Variants in RUNX3 observed in about 807,000 individuals in gnomAD.
RUNX3 encodes the protein RUNX family transcription factor 3.
RUNX3 carries 10 observed loss-of-function variants against 27.7 expected under a neutral mutation model. The ratio of observed to expected loss-of-function variants is 0.36; its 90% CI spans 0.22 to 0.61. RUNX3 has a LOEUF of 0.61. Among genes scored for constraint, RUNX3 ranks in the 20% least tolerant of loss-of-function variants. The pLI is 0.72. For synonymous variants in RUNX3, 270 were observed against 269.2 expected (o/e 1.00, Z -0.03); for missense variants, 469 against 629.5 (o/e 0.75, Z 2.73).
upstream of RUNX3, among the ~76,000 whole-genome samples, chr1:24,930,536 A>C (rs1471189782): frequency 6.6e-5 from 10 of 151,562 alleles, no homozygotes; most frequent in Non-Finnish European, 1.5e-5. The surrounding 1 kb of genome is among the most constrained non-coding windows in gnomAD (Gnocchi z 4.1). Context: ...ATTTGCTTAG[A>C]ACGTCCGGGT....
chr1:24,946,278 C>G (rs1641603522), intron 2 of RUNX3, among the ~76,000 whole-genome samples: 1 of 152,114 alleles, frequency 6.6e-6, no homozygotes, highest in African/African-American at 2.4e-5. Flanking sequence ...AAAATTAAAA[C>G]CATCCATAAT....
Position 24,929,835 on chromosome 1 carries a change from G to A in RUNX3, c.34C>T (p.Arg12Cys). ...AAGGCCGGGGAGGGAGGTGTGAAGC[G>A]GCGGCTGGTGCTTGGGTCTACGGGA... ...RIPVDPSTSR[R>C]FTPPSPAFPC... The change falls in exon 1 of 5, where the codon CGC (arginine) becomes TGC (cysteine). Residue 12 changes from arginine to cysteine, a missense_variant. By Grantham distance (180) the Arg-to-Cys change is radical (BLOSUM62 -3). Transcript: ENST00000308873. The A allele has an allele frequency of 2.9e-6, 4 of 1,397,590 alleles. No individual in the cohort carries two copies. Among genetic ancestry groups the A allele is most frequent in the Non-Finnish European group, 3.7e-6 (4 of 1,086,678 alleles). The allele number at this position is 1,397,590 out of a possible 1,614,324, so 86.6% of individuals were successfully genotyped here. A position where few individuals can be genotyped will look rare whatever the true frequency, so the allele number is the denominator to read the frequency against.
In RUNX3 at chr1:24,930,102, C is replaced by T. The variant is rs1448308912; in HGVS notation, c.-234G>A. 8 of 979,770 alleles carry T rather than the reference C, an allele frequency of 8.2e-6. No individual in the cohort carries two copies. Among genetic ancestry groups the T allele is most frequent in the Non-Finnish European group, 8.5e-6 (7 of 827,708 alleles). 60.7% of individuals were successfully genotyped at this position (979,770 alleles called of 1,614,324 possible). A position where few individuals can be genotyped will look rare whatever the true frequency, so the allele number is the denominator to read the frequency against. On this transcript the variant is annotated 5_prime_UTR_variant, in exon 1 of 5. Transcript: ENST00000308873. The surrounding 1 kb of genome is among the most constrained non-coding windows in gnomAD (Gnocchi z 4.1). The stretch of plus-strand genomic sequence containing the variant: ...GCAGCCTGCCCGGCTAGTCCCGCAT[C>T]CTCGGCGCGCGGCCCCGCGTGCGGC...
intron 3 of RUNX3, among the ~76,000 whole-genome samples, chr1:24,915,106 A>G (rs1640863680): frequency 1.3e-5 from 2 of 152,252 alleles, no homozygotes; most frequent in African/African-American, 4.8e-5. Flanking sequence ...AAACCAGAGC[A>G]AAGAACTCTG....
intron 2 of RUNX3, among the ~76,000 whole-genome samples, chr1:24,955,416 C>T (rs934021753): frequency 3.9e-5 from 6 of 152,162 alleles, no homozygotes; most frequent in African/African-American, 1.4e-4. Context: ...CAAGTCCCAC[C>T]ATCTGCCTGA....
rs1640509634 is a variant in RUNX3 at position 24,900,196 on chromosome 1, C to T, written c.*1926G>A. The T allele has an allele frequency of 6.6e-6, 1 of 152,302 alleles. No individual in the cohort carries two copies. Among genetic ancestry groups the T allele is most frequent in the South Asian group, 2.1e-4 (1 of 4,828 alleles). The allele number at this position is 152,302 out of a possible 1,614,324, so 9.4% of individuals were successfully genotyped here. A position where few individuals can be genotyped will look rare whatever the true frequency, so the allele number is the denominator to read the frequency against. On this transcript the variant is annotated 3_prime_UTR_variant, in exon 5 of 5. Transcript: ENST00000308873. Reference sequence around the variant, plus strand: ...CCCCTTGGGTGCAGGGAGTCAGCAACTATTTTGAGGAGATGGAGACTGTTT... The same window carrying T: ...CCCCTTGGGTGCAGGGAGTCAGCAATTATTTTGAGGAGATGGAGACTGTTT...
chr1:24,927,542 T>C lies in RUNX3; in HGVS notation c.439+32A>G, dbSNP rs192023038. Reference sequence around the variant, plus strand: ...TCCCTGCTGCCCCTGCCATTGCCAATGCTGAAATGGCGAGGCCTCCCTTCC... The same window carrying C: ...TCCCTGCTGCCCCTGCCATTGCCAACGCTGAAATGGCGAGGCCTCCCTTCC... On this transcript the variant is annotated intron_variant, in intron 2 of 4. Coordinates refer to ENST00000308873, the MANE Select transcript of RUNX3 (RefSeq NM_004350.3). This position sits in a 1 kb window ranked among gnomAD's most constrained non-coding sequence, Gnocchi z 5.0. 62 of 1,611,666 alleles carry C rather than the reference T, an allele frequency of 3.8e-5. No individual in the cohort carries two copies. The African/African-American group carries it at 6.8e-4, about 18-fold the overall frequency.
chr1:24,947,746 C>T (rs1306783866), intron 2 of RUNX3, among the ~76,000 whole-genome samples: 1 of 152,228 alleles, frequency 6.6e-6, no homozygotes, highest in African/African-American at 2.4e-5. Context: ...GCTATGTGGG[C>T]TTCACCTGGA....
chr1:24,927,692 C>T lies in RUNX3; in HGVS notation c.321G>A (p.Val107=), dbSNP rs770701029. The T allele has an allele frequency of 1.2e-6, 2 of 1,614,044 alleles. No individual in the cohort carries two copies. Among genetic ancestry groups the T allele is most frequent in the East Asian group, 4.5e-5 (2 of 44,876 alleles). Residue 107 remains valine, a synonymous_variant, in exon 2 of 5, where the codon GTG becomes GTA. Coordinates refer to ENST00000308873, the MANE Select transcript of RUNX3 (RefSeq NM_004350.3). The surrounding 1 kb of genome is among the most constrained non-coding windows in gnomAD (Gnocchi z 5.0). ...TCTCGTCATTGCCTGCCATCACAGTCACCACCGTACCATCCGGCACGTCCC... is the reference window on the plus strand; with the variant it reads ...TCTCGTCATTGCCTGCCATCACAGTTACCACCGTACCATCCGGCACGTCCC... ...ALGDVPDGTV[V]TVMAGNDENY...
Position 24,929,987 on chromosome 1 carries a change from G to C in RUNX3, c.-119C>G. The stretch of plus-strand genomic sequence containing the variant: ...AGAAGCGGGAAAGCAGAAGCGGCGG[G>C]GCCCGGGCCTCAGGGCGCAGGGGGC... On this transcript the variant is annotated 5_prime_UTR_variant, in exon 1 of 5. Transcript: ENST00000308873. 1 of 1,174,390 alleles carries C rather than the reference G, an allele frequency of 8.5e-7. No homozygotes were observed. Among genetic ancestry groups the C allele is most frequent in the Non-Finnish European group, 1.0e-6 (1 of 952,532 alleles). The allele number at this position is 1,174,390 out of a possible 1,614,324, so 72.7% of individuals were successfully genotyped here. A position where few individuals can be genotyped will look rare whatever the true frequency, so the allele number is the denominator to read the frequency against.
At chr1:24,929,108 T>G (rs2124305672) in intron 1 of RUNX3, 1 of 459,994 alleles carries the variant, frequency 2.2e-6, no homozygotes, top group East Asian at 6.9e-5. Flanking sequence ...CCTAGCGCCG[T>G]CCGGTAAAAT....
chr1:24,907,666 G>A lies in RUNX3; in HGVS notation c.545-249C>T, dbSNP rs544642872. Among the ~76,000 whole-genome samples, 8 of 151,690 alleles carry A rather than the reference G, an allele frequency of 5.3e-5. No individual in the cohort carries two copies. The South Asian group carries it at 1.0e-3, about 20-fold the overall frequency. On this transcript the variant is annotated intron_variant, in intron 3 of 4. Transcript: ENST00000308873. The stretch of plus-strand genomic sequence containing the variant: ...GGTGATCCAAACCTCTACAACACGC[G>A]GTGATCTAAACCTCTACAACACGCG...
chr1:24,929,404 C>G, intron 1 of RUNX3, 183 bp downstream of exon 1: 1 of 717,772 alleles, frequency 1.4e-6, no homozygotes. Flanking sequence ...CTGCAGGGCG[C>G]ATCCAAAACG....
chr1:24,905,051 T>C (rs1307537691), intron 4 of RUNX3, among the ~76,000 whole-genome samples: 2 of 152,096 alleles, frequency 1.3e-5, no homozygotes, highest in Non-Finnish European at 1.5e-5. Context: ...GGGCTGGGGC[T>C]GGGGTATGGG....
At chr1:24,911,211 A>G (rs1640790246) in intron 3 of RUNX3, among the ~76,000 whole-genome samples, 2 of 152,372 alleles carry the variant, frequency 1.3e-5, no homozygotes, top group East Asian at 3.9e-4. Context: ...CAACAGCCTG[A>G]GTGCAAAGGA....
At chr1:24,963,225 G>T (rs1391467595) in intron 2 of RUNX3, 1 of 152,546 alleles carries the variant, frequency 6.6e-6, no homozygotes, top group Admixed American at 6.5e-5. Context: ...CCCGCTCTCA[G>T]ACAAGCCTTC....
intron 2 of RUNX3, among the ~76,000 whole-genome samples, chr1:24,963,722 G>A (rs1185957130): frequency 6.6e-6 from 1 of 152,066 alleles, no homozygotes; most frequent in Non-Finnish European, 1.5e-5. Context: ...CTGAGGCCAG[G>A]GTGCATCAGC....
intron 3 of RUNX3, among the ~76,000 whole-genome samples, chr1:24,909,560 G>C (rs1395192599): frequency 6.6e-6 from 1 of 152,216 alleles, no homozygotes; most frequent in Non-Finnish European, 1.5e-5. Flanking sequence ...CCCTGCTACG[G>C]AAGGGATTCA....
upstream of RUNX3, among the ~76,000 whole-genome samples, chr1:24,932,161 T>G (rs1641245192): frequency 6.6e-6 from 1 of 152,232 alleles, no homozygotes; most frequent in Non-Finnish European, 1.5e-5. Flanking sequence ...TGCTTGTTCC[T>G]CCGCCTGATT....
Sources: allele counts gnomAD v4.1 joint callset (sites outside exome capture counted in the v4.1 genomes callset), GRCh38; gene constraint gnomAD v4.1.1; non-coding constraint Gnocchi (gnomAD v3.1); transcripts MANE v1.5; gene names NCBI Gene and HGNC (gene_info 2026-07-23, HGNC 2026-07-21).